Variants in SORCS1 observed in about 807,000 individuals in gnomAD.
SORCS1 encodes sortilin related VPS10 domain containing receptor 1.
In SORCS1, 60 loss-of-function variants were observed where a neutral mutation model predicts 146.1. That is an observed-to-expected ratio of 0.41 (90% CI 0.33 to 0.51). The LOEUF is 0.51. SORCS1 is among the 20% of genes least tolerant of loss of function. The pLI, the probability that SORCS1 is intolerant of heterozygous loss-of-function variation, is 0.21. For synonymous variants in SORCS1, 637 were observed against 584.0 expected (o/e 1.09, Z -1.31); for missense variants, 1,352 against 1,487.6 (o/e 0.91, Z 1.50).
At chr10:106,749,589 A>G (rs895986595) in intron 5 of SORCS1, among the ~76,000 whole-genome samples, 24 of 152,248 alleles carry the variant, frequency 1.6e-4, no homozygotes, top group African/African-American at 4.6e-4. Context: ...TACAAATAAA[A>G]CCTTCAGCTG....
intron 2 of SORCS1, among the ~76,000 whole-genome samples, chr10:106,926,302 A>C (rs904914420): frequency 3.9e-5 from 6 of 152,230 alleles, no homozygotes; most frequent in Non-Finnish European, 7.3e-5. Flanking sequence ...TGCTTTTTAA[A>C]TAATCGTGTG....
intron 2 of SORCS1, among the ~76,000 whole-genome samples, chr10:106,831,522 A>T (rs1948543534): frequency 6.6e-6 from 1 of 152,216 alleles, no homozygotes; most frequent in Admixed American, 6.5e-5. Flanking sequence ...CAAAAATTGT[A>T]ATCATCTTAA....
intron 6 of SORCS1, among the ~76,000 whole-genome samples, chr10:106,723,490 G>A (rs1258528100): frequency 6.6e-6 from 1 of 151,996 alleles, no homozygotes; most frequent in Non-Finnish European, 1.5e-5. Flanking sequence ...GAACTCAGGG[G>A]CCAATAATAA....
chr10:106,991,963 C>T (rs1348312821), intron 1 of SORCS1, among the ~76,000 whole-genome samples: 1 of 152,158 alleles, frequency 6.6e-6, no homozygotes, highest in Non-Finnish European at 1.5e-5. Flanking sequence ...TCCACTTCCA[C>T]CAGTGACAGA....
At chr10:107,066,531 G>A (rs1564993861) in intron 1 of SORCS1, among the ~76,000 whole-genome samples, 1 of 148,940 alleles carries the variant, frequency 6.7e-6, no homozygotes, top group Admixed American at 6.7e-5. Context: ...CTCTACAAAC[G>A]AGTCTATTGC....
chr10:106,598,591 C>T (rs1270185333), intron 23 of SORCS1, among the ~76,000 whole-genome samples: 1 of 151,998 alleles, frequency 6.6e-6, no homozygotes, highest in Non-Finnish European at 1.5e-5. Context: ...GTCTGCTAGC[C>T]TTATTTTTAA....
intron 20 of SORCS1, among the ~76,000 whole-genome samples, chr10:106,619,634 T>C (rs911193066): frequency 6.6e-6 from 1 of 152,130 alleles, no homozygotes; most frequent in African/African-American, 2.4e-5. Context: ...AAATAGACCA[T>C]GCAGCCTGGT....
intron 6 of SORCS1, among the ~76,000 whole-genome samples, chr10:106,721,964 GAA>G (rs1372092309): frequency 6.6e-6 from 1 of 152,058 alleles, no homozygotes; most frequent in African/African-American, 2.4e-5. Context: ...GTGCTGATAT[GAA>G]AAGATTTTTA....
intron 1 of SORCS1, among the ~76,000 whole-genome samples, chr10:107,025,196 C>G (rs148770000): frequency 6.2e-4 from 94 of 152,310 alleles, no homozygotes; most frequent in African/African-American, 2.2e-3. Flanking sequence ...AATGTTAAAA[C>G]CTTTAACCCT....
chr10:106,900,740 A>G (rs183538063), intron 2 of SORCS1, among the ~76,000 whole-genome samples: 1 of 152,180 alleles, frequency 6.6e-6, no homozygotes, highest in Non-Finnish European at 1.5e-5. Context: ...CTACCCTCAT[A>G]ATCTGTTTCT....
chr10:106,671,195 T>C (rs1405774652), intron 16 of SORCS1, 42 bp downstream of exon 16: 6 of 1,612,582 alleles, frequency 3.7e-6, no homozygotes, highest in Non-Finnish European at 5.1e-6. Flanking sequence ...CATGTGGATT[T>C]GATACACCAA....
chr10:106,674,524 T>C (rs1317110970), intron 14 of SORCS1, among the ~76,000 whole-genome samples: 2 of 152,034 alleles, frequency 1.3e-5, no homozygotes, highest in Non-Finnish European at 2.9e-5. Flanking sequence ...TCAAAGTCCA[T>C]GTATTGAAAC....
At chr10:106,674,655 A>G (rs1164324468) in intron 14 of SORCS1, among the ~76,000 whole-genome samples, 10 of 152,258 alleles carry the variant, frequency 6.6e-5, no homozygotes. Flanking sequence ...ATGCCTCACA[A>G]TTGGGTTAGG....
intron 1 of SORCS1, among the ~76,000 whole-genome samples, chr10:106,982,168 T>C (rs752372752): frequency 1.3e-5 from 2 of 152,152 alleles, no homozygotes; most frequent in Non-Finnish European, 2.9e-5. Flanking sequence ...ATTAGATCCT[T>C]TAACCACAAG....
rs1267219027 is a variant in SORCS1 at position 106,848,026 on chromosome 10, A to G, written c.627-18353T>C. 1.5e-5 allele frequency among the ~76,000 whole-genome samples: 2 copies of G among 136,328 alleles called. 1 individual carries two copies. The allele number at this position is 136,328 out of a possible 152,430, so 89.4% of individuals were successfully genotyped here. Reference sequence around the variant, plus strand: ...CCAACTATGTGGTCAATTTTGGAATAGGTGTGGTGTGGTGCTGAAAAAAAT... The same window carrying G: ...CCAACTATGTGGTCAATTTTGGAATGGGTGTGGTGTGGTGCTGAAAAAAAT... On this transcript the variant is annotated intron_variant, in intron 2 of 25. Transcript: ENST00000263054.
intron 1 of SORCS1, among the ~76,000 whole-genome samples, chr10:107,001,583 C>A: frequency 6.6e-6 from 1 of 152,202 alleles, no homozygotes; most frequent in East Asian, 1.9e-4. Flanking sequence ...CCTGCCTCAG[C>A]CTCCCATGTA....
At chr10:106,703,670 G>A (rs373953698) in intron 8 of SORCS1, among the ~76,000 whole-genome samples, 1 of 152,172 alleles carries the variant, frequency 6.6e-6, no homozygotes, top group Non-Finnish European at 1.5e-5. Flanking sequence ...GAGCATAAAA[G>A]TGCTGGTTTG....
chr10:106,984,394 A>AT (rs34494927), intron 1 of SORCS1, among the ~76,000 whole-genome samples: 15,030 of 133,980 alleles, frequency 0.11, 2,765 homozygotes, highest in African/African-American at 0.38. Flanking sequence ...AGTGATTTCC[A>AT]TTTTTTTTTT....
chr10:107,097,216 T>G (rs934491016), intron 1 of SORCS1, among the ~76,000 whole-genome samples: 4 of 152,238 alleles, frequency 2.6e-5, no homozygotes, highest in Non-Finnish European at 4.4e-5. Context: ...CAGCCCAATT[T>G]GTGATTTATT....
Sources: gnomAD v4.1 joint callset for allele counts (sites outside exome capture counted in the v4.1 genomes callset) on GRCh38, gnomAD v4.1.1 for gene constraint, MANE v1.5 for transcripts, NCBI Gene and HGNC (gene_info 2026-07-23, HGNC 2026-07-21) for gene names.